The following MYO1E variants were observed in gnomAD, a reference collection of about 807,000 sequenced individuals.
MYO1E encodes myosin IE.
In MYO1E, 68 loss-of-function variants were observed where a neutral mutation model predicts 151.1. The ratio of observed to expected loss-of-function variants is 0.45; its 90% CI spans 0.37 to 0.55. MYO1E has a LOEUF of 0.55. Ranked by LOEUF, MYO1E falls within the 20% of genes least tolerant of loss-of-function variation. The probability of loss-of-function intolerance (pLI) is 0.00; values close to 1 mark genes in which losing one functional copy is unlikely to be tolerated. For synonymous variants in MYO1E, 601 were observed against 501.7 expected, an observed-to-expected ratio of 1.20 and a Z score of -2.64; for missense variants, 1,363 against 1,389.3, an observed-to-expected ratio of 0.98 and a Z score of 0.30.
Position 59,350,899 on chromosome 15 carries a change from G to T in MYO1E, c.3+21599C>A, listed in dbSNP as rs907526714. Among the ~76,000 whole-genome samples, 5 of 152,106 alleles carry T rather than the reference G, an allele frequency of 3.3e-5. No homozygotes were observed. In the East Asian group the frequency reaches 9.7e-4, roughly 29 times the overall value. The stretch of plus-strand genomic sequence containing the variant: ...TGTTTGTTTGGTTGGTTGGTTTTTT[G>T]TTTTTTGTCTTTTTTGAGACGGAGT... On this transcript the variant is annotated intron_variant, in intron 1 of 27. Transcript: ENST00000288235. This position sits in a 1 kb window ranked among gnomAD's most constrained non-coding sequence, Gnocchi z 5.0.
chr15:59,134,210 C>T lies in MYO1E; in HGVS notation c.*3170G>A, dbSNP rs2079359382. On this transcript the variant is annotated 3_prime_UTR_variant, in exon 28 of 28. Transcript: ENST00000288235. ...GCTTTTCTACCTTCATTGGGCTGGA[C>T]TTGGTAGTAGTGGGGAGTCAGGTTT... 2 of 152,464 alleles carry T rather than the reference C, an allele frequency of 1.3e-5. No individual in the cohort carries two copies. The highest frequency in any genetic ancestry group is 2.1e-4 in the South Asian group (1 of 4,818). The allele number at this position is 152,464 out of a possible 1,614,324, so 9.4% of individuals were successfully genotyped here.
chr15:59,214,548 T>A, intron 11 of MYO1E, 92 bp downstream of exon 11: 1 of 1,282,452 alleles, frequency 7.8e-7, no homozygotes, highest in Non-Finnish European at 1.1e-6. Flanking sequence ...TGTTTTCTGT[T>A]TTTTTGTTTT....
At chr15:59,198,830 C>CA (rs10672759) in intron 16 of MYO1E, among the ~76,000 whole-genome samples, 110,548 of 146,824 alleles carry the variant, frequency 0.75, 43,082 homozygotes, top group East Asian at 0.92. Context: ...AGAAAAAAAA[C>CA]AAAAAAAAAA....
intron 1 of MYO1E, among the ~76,000 whole-genome samples, chr15:59,308,304 G>A (rs529874432): frequency 2.0e-5 from 3 of 151,596 alleles, no homozygotes; most frequent in East Asian, 3.9e-4. Flanking sequence ...GGGAGGCTGA[G>A]GGGGGCAGAT....
chr15:59,209,309 G>C (rs1398183131), intron 13 of MYO1E, among the ~76,000 whole-genome samples: 1 of 152,044 alleles, frequency 6.6e-6, no homozygotes, highest in South Asian at 2.1e-4. Context: ...CATTCCTCAT[G>C]TTTTACACAT....
chr15:59,250,223 G>A (rs1446552751), intron 4 of MYO1E, among the ~76,000 whole-genome samples: 1 of 152,162 alleles, frequency 6.6e-6, no homozygotes, highest in Admixed American at 6.5e-5. Context: ...AGAGTCTGAC[G>A]ATATGATTTA....
chr15:59,227,289 C>G (rs778696141), intron 7 of MYO1E, among the ~76,000 whole-genome samples, 170 bp downstream of exon 7: 2 of 152,210 alleles, frequency 1.3e-5, no homozygotes, highest in Non-Finnish European at 2.9e-5. Flanking sequence ...AATTAGAACT[C>G]ACTCTCCTTG....
chr15:59,224,656 G>A (rs1396419425), intron 8 of MYO1E, 33 bp downstream of exon 8: 2 of 1,613,792 alleles, frequency 1.2e-6, no homozygotes, highest in African/African-American at 1.3e-5. Flanking sequence ...AGTTGGGAGA[G>A]CAGATCCTGC....
rs571320010 is a variant in MYO1E, at chr15:59,135,391, G to A, written c.*1989C>T. 1 of 152,416 alleles carries A rather than the reference G, an allele frequency of 6.6e-6. No individual in the cohort carries two copies. The highest frequency in any genetic ancestry group is 2.1e-4 in the South Asian group (1 of 4,820). 9.4% of individuals were successfully genotyped at this position (152,416 alleles called of 1,614,324 possible). A position where few individuals can be genotyped will look rare whatever the true frequency, so the allele number is the denominator to read the frequency against. On this transcript the variant is annotated 3_prime_UTR_variant, in exon 28 of 28. Transcript: ENST00000288235. ...GATGGTCCTGGTGTTCCTGCCCTGA[G>A]AACGCAGCCTGAGTGCTGGTGGCTG...
intron 2 of MYO1E, among the ~76,000 whole-genome samples, chr15:59,267,137 TG>T (rs2097613598): frequency 6.8e-6 from 1 of 147,680 alleles, no homozygotes; most frequent in South Asian, 2.2e-4. Flanking sequence ...GCAATTCTCC[TG>T]CCTCAGCCTC....
intron 2 of MYO1E, chr15:59,270,784 T>C (rs1397813454): frequency 6.6e-6 from 1 of 151,934 alleles, no homozygotes; most frequent in African/African-American, 2.4e-5. Context: ...TTATGCCTTG[T>C]AACTGGGATT....
intron 5 of MYO1E, among the ~76,000 whole-genome samples, chr15:59,235,606 C>G (rs931607997): frequency 1.3e-5 from 2 of 152,164 alleles, no homozygotes; most frequent in Non-Finnish European, 2.9e-5. Flanking sequence ...TGTTTCCAGT[C>G]TTTTGCATTA....
chr15:59,201,022 T>A (rs956390911), intron 16 of MYO1E, among the ~76,000 whole-genome samples: 2 of 152,164 alleles, frequency 1.3e-5, no homozygotes, highest in Non-Finnish European at 2.9e-5. Flanking sequence ...TTTAAAAAAA[T>A]TATTCTTAAC....
At chr15:59,347,334 C>G (rs897054491) in intron 1 of MYO1E, among the ~76,000 whole-genome samples, 1 of 152,142 alleles carries the variant, frequency 6.6e-6, no homozygotes, top group South Asian at 2.1e-4. Context: ...CAAAACCATC[C>G]CCACTCCACA....
intron 1 of MYO1E, among the ~76,000 whole-genome samples, chr15:59,321,484 T>C (rs762125271): frequency 6.6e-6 from 1 of 152,230 alleles, no homozygotes; most frequent in Admixed American, 6.5e-5. Context: ...ATATATACCA[T>C]GGAGTACTAT....
intron 9 of MYO1E, among the ~76,000 whole-genome samples, chr15:59,219,223 T>C (rs2079938910): frequency 6.6e-6 from 1 of 152,148 alleles, no homozygotes; most frequent in Non-Finnish European, 1.5e-5. Flanking sequence ...GTGATATAAA[T>C]GGGGTTTTCT....
intron 17 of MYO1E, among the ~76,000 whole-genome samples, chr15:59,189,761 G>C (rs1382927232): frequency 2.0e-5 from 3 of 152,176 alleles, no homozygotes; most frequent in Admixed American, 2.0e-4. Flanking sequence ...TTTTTTCGTA[G>C]AGACGGGGTT....
At chr15:59,161,024 C>G (rs1402367497) in intron 24 of MYO1E, 49 bp downstream of exon 24, 3 of 1,610,368 alleles carry the variant, frequency 1.9e-6, no homozygotes, top group East Asian at 4.5e-5. Flanking sequence ...GCTCGGGAGA[C>G]TCGGGGGAGC....
At chr15:59,160,224 T>C (rs982754465) in intron 24 of MYO1E, among the ~76,000 whole-genome samples, 2 of 152,094 alleles carry the variant, frequency 1.3e-5, no homozygotes, top group Non-Finnish European at 2.9e-5. Flanking sequence ...TATGCATACA[T>C]AGCATGTATG....
Sources: allele counts gnomAD v4.1 joint callset (sites outside exome capture counted in the v4.1 genomes callset), GRCh38; gene constraint gnomAD v4.1.1; non-coding constraint Gnocchi (gnomAD v3.1); transcripts MANE v1.5; gene names NCBI Gene and HGNC (gene_info 2026-07-23, HGNC 2026-07-21).